Variants in OTUD7A observed in about 807,000 individuals in gnomAD.
The protein encoded by OTUD7A is OTU domain-containing protein 7A.
A neutral mutation model predicts 65.7 loss-of-function variants in OTUD7A; 12 were observed. That is an observed-to-expected ratio of 0.18 (90% confidence interval 0.12 to 0.30). The LOEUF (loss-of-function observed/expected upper bound fraction) is 0.30. Among genes scored for constraint, OTUD7A ranks in the 10% least tolerant of loss-of-function variants. OTUD7A has a pLI of 1.00. For missense variants in OTUD7A, 1,148 were observed against 1,304.8 expected (o/e 0.88, Z 1.85); for synonymous variants, 641 against 586.3 (o/e 1.09, Z -1.35).
chr15:31,514,517 T>C (rs2041813466), intron 8 of OTUD7A, among the ~76,000 whole-genome samples: 1 of 152,242 alleles, frequency 6.6e-6, no homozygotes, highest in Non-Finnish European at 1.5e-5. Context: ...AAACCTTGAG[T>C]TCACTGATAC....
At chr15:31,818,727 TA>T (rs1384277664) in intron 1 of OTUD7A, among the ~76,000 whole-genome samples, 2 of 152,226 alleles carry the variant, frequency 1.3e-5, no homozygotes, top group South Asian at 2.1e-4. Flanking sequence ...TAAGCTTTTC[TA>T]AACCACGGAG....
chr15:31,673,958 T>C (rs1892541202), intron 1 of OTUD7A, among the ~76,000 whole-genome samples: 1 of 152,216 alleles, frequency 6.6e-6, no homozygotes, highest in Admixed American at 6.5e-5. Flanking sequence ...ATAATAAGTA[T>C]GCTGAATAAA....
In OTUD7A at chr15:31,498,193, C is replaced by T. The variant is rs2041415755; in HGVS notation, c.1171+3497G>A. Among the ~76,000 whole-genome samples, 4 of 152,184 alleles carry T rather than the reference C, an allele frequency of 2.6e-5. No individual in the cohort carries two copies. In the South Asian group the frequency reaches 6.2e-4, roughly 24 times the overall value. On this transcript the variant is annotated intron_variant, in intron 10 of 12. Transcript: ENST00000307050. The surrounding 1 kb of genome is among the most constrained non-coding windows in gnomAD (Gnocchi z 4.2). ...GGTATTTGAGGGTATGCTCAGCACACCTGTGTCCCCTCTCTGTGTAACTGG... is the reference window on the plus strand; with the variant it reads ...GGTATTTGAGGGTATGCTCAGCACATCTGTGTCCCCTCTCTGTGTAACTGG...
intron 1 of OTUD7A, among the ~76,000 whole-genome samples, chr15:31,755,311 G>A (rs966236754): frequency 2.0e-5 from 3 of 152,142 alleles, no homozygotes; most frequent in African/African-American, 4.8e-5. Flanking sequence ...TCATATATCT[G>A]AGGGCGAGCT....
intron 3 of OTUD7A, among the ~76,000 whole-genome samples, chr15:31,646,118 T>A (rs1389557538): frequency 2.0e-5 from 3 of 151,676 alleles, no homozygotes; most frequent in Non-Finnish European, 4.4e-5. Flanking sequence ...CTTCTGGTTG[T>A]TTTTTTGCTC....
chr15:31,609,233 G>A (rs775608213), intron 3 of OTUD7A, among the ~76,000 whole-genome samples: 1 of 152,202 alleles, frequency 6.6e-6, no homozygotes, highest in Non-Finnish European at 1.5e-5. Context: ...CAGAACTCAG[G>A]GGAAGGCGCG....
intron 3 of OTUD7A, among the ~76,000 whole-genome samples, chr15:31,607,877 G>C (rs938209293): frequency 6.6e-6 from 1 of 152,178 alleles, no homozygotes; most frequent in East Asian, 1.9e-4. Flanking sequence ...GCCTAACAAT[G>C]CATTTCTTAG....
chr15:31,637,683 A>C (rs888887260), intron 3 of OTUD7A, among the ~76,000 whole-genome samples: 1 of 152,236 alleles, frequency 6.6e-6, no homozygotes, highest in Non-Finnish European at 1.5e-5. Context: ...AACATCTGTG[A>C]TTCATGGGAG....
intron 7 of OTUD7A, 55 bp downstream of exon 7, chr15:31,527,126 C>T: frequency 1.2e-6 from 2 of 1,608,288 alleles, no homozygotes; most frequent in Non-Finnish European, 1.7e-6. Flanking sequence ...CGACCACGGC[C>T]CGAGGCTGCA....
At position 31,484,285 on chromosome 15, in the gene OTUD7A, C is replaced by T. The variant is rs780288435; in HGVS notation, c.1811G>A (p.Gly604Asp). 6.3e-6 allele frequency: 10 copies of T among 1,593,678 alleles called. No homozygotes were observed. The South Asian group carries it at 1.1e-4, about 18-fold the overall frequency. Reference protein sequence around the residue: ...TTPSPTDKAAGASPAEKGGGP... With the variant: ...TTPSPTDKAADASPAEKGGGP... ...ACCGCCCTTCTCCGCCGGCGACGCG[C>T]CCGCTGCCTTGTCTGTGGGCGACGG... The change falls in exon 13 of 13, where the codon GGC becomes GAC. Residue 604 changes from glycine to aspartate, a missense_variant. By Grantham distance (94) the Gly-to-Asp change is moderately conservative. Coordinates refer to ENST00000307050, the MANE Select transcript of OTUD7A (RefSeq NM_001382637.1). The surrounding 1 kb of genome is among the most constrained non-coding windows in gnomAD (Gnocchi z 4.5).
At position 31,498,414 on chromosome 15, in the gene OTUD7A, G is replaced by A. The variant is rs538162462; in HGVS notation, c.1171+3276C>T. On this transcript the variant is annotated intron_variant, in intron 10 of 12. Transcript: ENST00000307050. The surrounding 1 kb of genome is among the most constrained non-coding windows in gnomAD (Gnocchi z 4.2). ...GAATTTCATTTCAGGGTAATGAAGA[G>A]TACACTGGACAATGTTTGCTATAAA... 5.7e-4 allele frequency among the ~76,000 whole-genome samples: 87 copies of A among 152,294 alleles called. 2 individuals are homozygous for A. The South Asian group carries it at 0.016, about 29-fold the overall frequency.
intron 1 of OTUD7A, among the ~76,000 whole-genome samples, chr15:31,814,025 G>A (rs1436291554): frequency 6.6e-6 from 1 of 152,232 alleles, no homozygotes; most frequent in Non-Finnish European, 1.5e-5. Context: ...AACGGTGAGA[G>A]CATCAATCCA....
chr15:31,796,481 A>G (rs1895965243), intron 1 of OTUD7A, among the ~76,000 whole-genome samples: 1 of 152,234 alleles, frequency 6.6e-6, no homozygotes, highest in Non-Finnish European at 1.5e-5. Context: ...AAGGGCAATC[A>G]GTTTTATTCA....
intron 8 of OTUD7A, among the ~76,000 whole-genome samples, chr15:31,509,842 A>G (rs1479457432): frequency 8.0e-5 from 12 of 149,258 alleles, no homozygotes; most frequent in African/African-American, 3.0e-4. Flanking sequence ...TGCCTTTTAC[A>G]TTATTTCTTT....
Position 31,484,565 on chromosome 15 carries a change from C to T in OTUD7A, c.1531G>A (p.Glu511Lys), listed in dbSNP as rs1467152238. The T allele has an allele frequency of 6.2e-7, 1 of 1,611,430 alleles. No homozygotes were observed. The highest frequency in any genetic ancestry group is 2.2e-5 in the East Asian group (1 of 44,860). Residue 511 changes from glutamate to lysine, a missense_variant, in exon 13 of 13, where the codon GAG becomes AAG. By Grantham distance (56) the Glu-to-Lys change is moderately conservative. Coordinates refer to ENST00000307050, the MANE Select transcript of OTUD7A (RefSeq NM_001382637.1). This position sits in a 1 kb window ranked among gnomAD's most constrained non-coding sequence, Gnocchi z 4.5. ...KDKEKEKQRK[E>K]KDKTRADSVA... ...GAGTCGGCGCGCGTCTTGTCCTTCT[C>T]CTTGCGCTGCTTCTCCTTCTCCTTG... is the stretch of plus-strand genomic sequence containing the variant.
intron 1 of OTUD7A, among the ~76,000 whole-genome samples, chr15:31,765,117 T>C (rs1465004176): frequency 6.6e-6 from 1 of 152,158 alleles, no homozygotes; most frequent in East Asian, 1.9e-4. Context: ...TAATAGATTA[T>C]GAAAATTAGA....
At chr15:31,812,670 C>T (rs1210899011) in intron 1 of OTUD7A, among the ~76,000 whole-genome samples, 2 of 152,164 alleles carry the variant, frequency 1.3e-5, no homozygotes, top group African/African-American at 4.8e-5. Flanking sequence ...CAGAACACTC[C>T]AACTATACCA....
chr15:31,766,214 G>A, intron 1 of OTUD7A: 1 of 1,529,238 alleles, frequency 6.5e-7, no homozygotes, highest in Non-Finnish European at 9.1e-7. Context: ...CTTCAGCACA[G>A]CATAACACAC....
At chr15:31,500,948 G>C (rs527643997) in intron 10 of OTUD7A, among the ~76,000 whole-genome samples, 28 of 152,258 alleles carry the variant, frequency 1.8e-4, no homozygotes, top group Non-Finnish European at 3.5e-4. Context: ...TAGCTAACAT[G>C]AGAAAACAGC....
Sources: gnomAD v4.1 joint callset for allele counts (sites outside exome capture counted in the v4.1 genomes callset) on GRCh38, gnomAD v4.1.1 for gene constraint, Gnocchi (gnomAD v3.1) non-coding constraint, MANE v1.5 for transcripts, NCBI Gene and HGNC (gene_info 2026-07-23, HGNC 2026-07-21) for gene names.